USP33: variants seen among roughly 807,000 people sequenced by gnomAD.
USP33 encodes ubiquitin specific peptidase 33.
In USP33, 46 loss-of-function variants were observed where a neutral mutation model predicts 124.2. The ratio of observed to expected loss-of-function variants is 0.37; its 90% CI spans 0.29 to 0.47. USP33 has a LOEUF of 0.47. Ranked by LOEUF, USP33 falls within the 20% of genes least tolerant of loss-of-function variation. The pLI is 0.99. For synonymous variants in USP33, 350 were observed against 352.3 expected (o/e 0.99, Z 0.07); for missense variants, 851 against 1,070.6 (o/e 0.79, Z 2.86).
intron 9 of USP33, among the ~76,000 whole-genome samples, chr1:77,729,197 C>T (rs1467211353): frequency 1.3e-5 from 2 of 152,092 alleles, no homozygotes; most frequent in South Asian, 2.1e-4. Flanking sequence ...TGAGCCATCA[C>T]GCCCAGCCAG....
intron 17 of USP33, among the ~76,000 whole-genome samples, chr1:77,716,923 T>C (rs916989227): frequency 1.3e-5 from 2 of 151,242 alleles, no homozygotes; most frequent in African/African-American, 4.9e-5. Flanking sequence ...TGGAGTGCAA[T>C]GGTGCAATCT....
chr1:77,710,264 A>G (rs1198250247), intron 21 of USP33, among the ~76,000 whole-genome samples: 1 of 152,178 alleles, frequency 6.6e-6, no homozygotes, highest in African/African-American at 2.4e-5. Flanking sequence ...ATTCTTGGCC[A>G]CTGCTTCTCT....
At chr1:77,722,374 A>C in intron 12 of USP33, 178 bp from the exon 13 acceptor site, 1 of 591,962 alleles carries the variant, frequency 1.7e-6, no homozygotes, top group Non-Finnish European at 2.9e-6. Context: ...AAAAAACAAA[A>C]ACAAAAAACA....
chr1:77,734,442 T>A, intron 6 of USP33, 26 bp from the exon 7 acceptor site: 1 of 1,441,424 alleles, frequency 6.9e-7, no homozygotes, highest in Non-Finnish European at 9.5e-7. Flanking sequence ...ATACATGAAG[T>A]CATCATTCAA....
intron 3 of USP33, 140 bp from the exon 4 acceptor site, chr1:77,741,079 A>T: frequency 1.5e-6 from 1 of 647,974 alleles, no homozygotes; most frequent in East Asian, 2.9e-5. Context: ...CCAGTCATTA[A>T]ATTTAACCAA....
chr1:77,755,847 T>G (rs936299937), intron 1 of USP33, among the ~76,000 whole-genome samples: 2 of 152,290 alleles, frequency 1.3e-5, no homozygotes, highest in East Asian at 3.9e-4. Flanking sequence ...GGATAGAAAT[T>G]AATTTAACAA....
intron 1 of USP33, among the ~76,000 whole-genome samples, chr1:77,747,023 C>T (rs1278313366): frequency 6.6e-6 from 1 of 152,010 alleles, no homozygotes; most frequent in Admixed American, 6.6e-5. Context: ...AAATCTTTTG[C>T]CCTTTTTACT....
intron 18 of USP33, among the ~76,000 whole-genome samples, chr1:77,715,441 G>A (rs887910079): frequency 6.6e-6 from 1 of 152,118 alleles, no homozygotes; most frequent in East Asian, 1.9e-4. Flanking sequence ...TCCTGACCTC[G>A]TGATCCACCC....
rs1321569352 is a variant in USP33, at chr1:77,739,351, C to A, written c.265G>T (p.Glu89Ter). 1 of 1,613,822 alleles carries A rather than the reference C, an allele frequency of 6.2e-7. No individual in the cohort carries two copies. The change falls in exon 5 of 24, where the codon GAA (glutamate) becomes TAA (stop). Residue 89 changes from glutamate to a stop codon, truncating the protein, a stop_gained. Coordinates refer to ENST00000370794, the MANE Select transcript of USP33 (RefSeq NM_201624.3). LOFTEE classifies it high-confidence loss of function. Reference sequence around the variant, plus strand: ...CCTAATTTCCTATCCAAAAATACTTCTTTGCTGCAAGCATAACACCATACT... The same window carrying A: ...CCTAATTTCCTATCCAAAAATACTTATTTGCTGCAAGCATAACACCATACT... ...LRVWCYACSK[E>*]VFLDRKLGTQ... is the part of the protein sequence containing the mutation.
intron 1 of USP33, among the ~76,000 whole-genome samples, chr1:77,758,113 G>T (rs980785367): frequency 1.3e-5 from 2 of 150,052 alleles, no homozygotes; most frequent in Non-Finnish European, 3.0e-5. Context: ...ATCTTAAGTA[G>T]ACTATCCCTC....
At chr1:77,707,494 C>A (rs989533728) in intron 21 of USP33, among the ~76,000 whole-genome samples, 12 of 152,114 alleles carry the variant, frequency 7.9e-5, no homozygotes, top group African/African-American at 2.9e-4. Flanking sequence ...TGCAAATACC[C>A]TTTTTTCAAG....
chr1:77,697,895 A>G lies in USP33; in HGVS notation c.2546T>C (p.Val849Ala). ...AAGCATCACATTACCACATTTAGTG[A>G]CTGCAATCTTAGTATTGTCAATAGG... ...PGPIDNTKIA[V>A]TKCGNVMLRQ... Residue 849 changes from valine (V) to alanine (A), a missense_variant, in exon 23 of 24, where the codon GTC becomes GCC. Physicochemically the swap from Val to Ala is moderately conservative, Grantham distance 64 (BLOSUM62 0). This residue lies in a region of USP33 where 142 missense variants were observed against 141.8 expected (regional missense o/e 1.00). Transcript: ENST00000370794. 1 of 1,611,276 alleles carries G rather than the reference A, an allele frequency of 6.2e-7. No individual in the cohort carries two copies. The highest frequency in any genetic ancestry group is 2.2e-5 in the East Asian group (1 of 44,782).
chr1:77,740,139 G>C (rs973014463), intron 4 of USP33, among the ~76,000 whole-genome samples: 1 of 152,128 alleles, frequency 6.6e-6, no homozygotes, highest in African/African-American at 2.4e-5. Context: ...TAACACTATA[G>C]AAGAGGCATG....
chr1:77,743,241 G>T (rs1570846117), intron 1 of USP33, among the ~76,000 whole-genome samples: 1 of 151,936 alleles, frequency 6.6e-6, no homozygotes. Context: ...CACTGCGCCT[G>T]GCCTCTGTCT....
In USP33 at chr1:77,742,915, ATTATTTATTTATTTAT is replaced by A. The variant is rs531632530; in HGVS notation, c.-51-1183_-51-1168del. On this transcript the variant is annotated intron_variant, in intron 1 of 23. Coordinates refer to ENST00000370794, the MANE Select transcript of USP33 (RefSeq NM_201624.3). ...ATATAAGAGTGTCTGTCTGCCTTTT[ATTATTTATTTATTTAT>A]TTATTTATTTATTTATTTATTTATT... Among the ~76,000 whole-genome samples, 405 of 147,700 alleles carry A rather than the reference ATTATTTATTTATTTAT, an allele frequency of 2.7e-3. 1 individual carries two copies. The highest frequency in any genetic ancestry group is 8.3e-3 in the Admixed American group (123 of 14,866).
intron 19 of USP33, 104 bp downstream of exon 19, chr1:77,714,510 G>T: frequency 8.7e-7 from 1 of 1,147,602 alleles, no homozygotes; most frequent in Non-Finnish European, 1.2e-6. Flanking sequence ...AATGCAGGTG[G>T]GGAAATGGGA....
At chr1:77,698,047 G>C in intron 22 of USP33, 116 bp from the exon 23 acceptor site, 1 of 739,980 alleles carries the variant, frequency 1.4e-6, no homozygotes, top group Non-Finnish European at 2.2e-6. Context: ...TTATTTCTCA[G>C]GCAAATTATT....
chr1:77,715,893 T>A, intron 17 of USP33, 25 bp from the exon 18 acceptor site: 1 of 1,604,844 alleles, frequency 6.2e-7, no homozygotes, highest in Non-Finnish European at 8.5e-7. Flanking sequence ...AAAGAAATCA[T>A]TACAGTAATA....
In USP33 at chr1:77,711,872, T is replaced by G. The variant is rs969628810; in HGVS notation, c.2298-17A>C. ...CCACCATACCTAAAGCATGAAAAAT[T>G]TAAGAATTAATGTTCTAGGAAGTTT... On this transcript the variant is annotated splice_polypyrimidine_tract_variant and intron_variant, in intron 20 of 23. Transcript: ENST00000370794. The G allele has an allele frequency of 1.3e-6, 2 of 1,583,380 alleles. No individual in the cohort carries two copies. The highest frequency in any genetic ancestry group is 1.7e-6 in the Non-Finnish European group (2 of 1,171,774).
Sources: allele counts gnomAD v4.1 joint callset (sites outside exome capture counted in the v4.1 genomes callset), GRCh38; gene constraint gnomAD v4.1.1; regional missense constraint gnomAD v4.1.1; transcripts MANE v1.5; gene names NCBI Gene and HGNC (gene_info 2026-07-23, HGNC 2026-07-21).